Variants in TUB observed in about 807,000 individuals in gnomAD.
TUB encodes the protein TUB bipartite transcription factor.
TUB carries 33 observed loss-of-function variants against 59.7 expected under a neutral mutation model. The observed-to-expected ratio is 0.55, with a 90% CI of 0.42 to 0.74. The LOEUF is 0.74. TUB is among the 30% of genes least tolerant of loss of function. The pLI is 0.00. For missense variants in TUB, 659 were observed against 672.0 expected (o/e 0.98, Z 0.21); for synonymous variants, 293 against 256.4 (o/e 1.14, Z -1.36).
intron 2 of TUB, among the ~76,000 whole-genome samples, chr11:8,043,705 C>G (rs1415492696): frequency 6.6e-6 from 1 of 152,086 alleles, no homozygotes; most frequent in Non-Finnish European, 1.5e-5. Flanking sequence ...GAATTGCTTT[C>G]TTAATGCAAG....
At position 8,019,272 on chromosome 11, in the gene TUB, C is replaced by T. The variant is rs1172670708; in HGVS notation, c.-31C>T. On this transcript the variant is annotated 5_prime_UTR_variant, in exon 1 of 12. Transcript: ENST00000534099. ...CCCCAAGCCCAGCGCCGCCGCCGCCCGCGGAGCCCCGAGCGGAGCCGGAGG... is the reference window on the plus strand; with the variant it reads ...CCCCAAGCCCAGCGCCGCCGCCGCCTGCGGAGCCCCGAGCGGAGCCGGAGG... 5 of 1,251,002 alleles carry T rather than the reference C, an allele frequency of 4.0e-6. No homozygotes were observed. In the East Asian group the frequency reaches 1.3e-4, roughly 32 times the overall value. 77.5% of individuals were successfully genotyped at this position (1,251,002 alleles called of 1,614,324 possible).
In TUB at chr11:8,062,487, G is replaced by C. The variant is rs976750482; in HGVS notation, c.203+22795G>C. On this transcript the variant is annotated intron_variant, in intron 2 of 12. Transcript: ENST00000305253. ...CTCTCCCAGATGCTCTAGGCTACTG[G>C]GCAGGGCCTTCCTCTGAAGGTTTGT... Among the ~76,000 whole-genome samples, 4 of 148,688 alleles carry C rather than the reference G, an allele frequency of 2.7e-5. No homozygotes were observed. The South Asian group carries it at 8.7e-4, about 32-fold the overall frequency.
chr11:8,098,942 T>C (rs1467977234), intron 9 of TUB, 67 bp downstream of exon 9: 3 of 1,156,278 alleles, frequency 2.6e-6, no homozygotes, highest in East Asian at 4.7e-5. Context: ...TGATGCCTGA[T>C]CTAGGGGCTA....
chr11:8,049,810 GATTA>G (rs1942905291), intron 2 of TUB, among the ~76,000 whole-genome samples: 1 of 151,888 alleles, frequency 6.6e-6, no homozygotes, highest in Non-Finnish European at 1.5e-5. Flanking sequence ...CTGACATTTT[GATTA>G]ATTTTCATCT....
chr11:8,057,958 C>T lies in TUB; in HGVS notation c.203+18266C>T, dbSNP rs188804612. On this transcript the variant is annotated intron_variant, in intron 2 of 12. Transcript: ENST00000305253. ...TGTTAGTGATGCCTGGCCTGCCGCACCAGCACTTTGGGAGGCCGAGGCAGG... is the reference window on the plus strand; with the variant it reads ...TGTTAGTGATGCCTGGCCTGCCGCATCAGCACTTTGGGAGGCCGAGGCAGG... Among the ~76,000 whole-genome samples, 14 of 152,204 alleles carry T rather than the reference C, an allele frequency of 9.2e-5. No homozygotes were observed. The East Asian group carries it at 2.7e-3, about 29-fold the overall frequency.
intron 2 of TUB, among the ~76,000 whole-genome samples, chr11:8,048,138 G>A (rs1564901986): frequency 6.6e-6 from 1 of 152,060 alleles, no homozygotes; most frequent in African/African-American, 2.4e-5. Flanking sequence ...CCACACATGA[G>A]TCTAGGCCAT....
chr11:8,103,199 T>G lies in TUB; in HGVS notation c.*1580T>G, dbSNP rs1944380536. ...GGGGCTGGGCCTGAGCCTAACTCCC[T>G]CCACTACCGCTATTTCTCCTTGGAT... On this transcript the variant is annotated 3_prime_UTR_variant, in exon 12 of 12. Coordinates refer to ENST00000299506, the MANE Select transcript of TUB (RefSeq NM_177972.3). 6.6e-6 allele frequency: 1 copy of G among 152,208 alleles called. No individual in the cohort carries two copies. Among genetic ancestry groups the G allele is most frequent in the Non-Finnish European group, 1.5e-5 (1 of 68,070 alleles). 9.4% of individuals were successfully genotyped at this position (152,208 alleles called of 1,614,324 possible).
chr11:8,019,390 C>T (rs988405530), intron 1 of TUB: 1 of 1,233,586 alleles, frequency 8.1e-7, no homozygotes. Context: ...CCTGCGTGAG[C>T]GCCTGCTGAC....
chr11:8,050,522 G>T (rs1589933444), intron 2 of TUB, among the ~76,000 whole-genome samples: 1 of 152,202 alleles, frequency 6.6e-6, no homozygotes, highest in East Asian at 1.9e-4. Flanking sequence ...TGAGTGTGTT[G>T]CATGTGGTCT....
rs1944380171 is a variant in TUB at position 8,103,196 on chromosome 11, C to T, written c.*1577C>T. ...TCTGGGGCTGGGCCTGAGCCTAACT[C>T]CCTCCACTACCGCTATTTCTCCTTG... is the stretch of plus-strand genomic sequence containing the variant. On this transcript the variant is annotated 3_prime_UTR_variant, in exon 12 of 12. Transcript: ENST00000299506. The T allele has an allele frequency of 6.6e-6, 1 of 152,200 alleles. No homozygotes were observed. The highest frequency in any genetic ancestry group is 1.5e-5 in the Non-Finnish European group (1 of 68,074). 9.4% of individuals were successfully genotyped at this position (152,200 alleles called of 1,614,324 possible). A position where few individuals can be genotyped will look rare whatever the true frequency, so the allele number is the denominator to read the frequency against.
chr11:8,081,573 C>A, intron 1 of TUB, 25 bp downstream of exon 1: 2 of 1,520,810 alleles, frequency 1.3e-6, no homozygotes, highest in South Asian at 2.4e-5. Flanking sequence ...GGCCGGGGCG[C>A]CCACCACTCC....
In TUB at chr11:8,105,736, CCTTT is replaced by C. The variant is rs1261863672; in HGVS notation, c.*4118_*4121del. On this transcript the variant is annotated 3_prime_UTR_variant, in exon 12 of 12. Coordinates refer to ENST00000299506, the MANE Select transcript of TUB (RefSeq NM_177972.3). ...ACTACCTTTATAGCTCATCACTGTG[CCTTT>C]TTTTCTTTCCTAAGAAAGACATCAC... 2 of 152,196 alleles carry C rather than the reference CCTTT, an allele frequency of 1.3e-5. No homozygotes were observed. The highest frequency in any genetic ancestry group is 1.3e-4 in the Admixed American group (2 of 15,268). The allele number at this position is 152,196 out of a possible 1,614,324, so 9.4% of individuals were successfully genotyped here.
At chr11:8,093,155 C>A (rs1943836260) in intron 3 of TUB, among the ~76,000 whole-genome samples, 1 of 151,994 alleles carries the variant, frequency 6.6e-6, no homozygotes, top group Admixed American at 6.5e-5. Flanking sequence ...GATGACAACA[C>A]CTGCTCTGAC....
intron 2 of TUB, among the ~76,000 whole-genome samples, chr11:8,041,405 A>G (rs1942748255): frequency 6.6e-6 from 1 of 152,172 alleles, no homozygotes; most frequent in Admixed American, 6.5e-5. Flanking sequence ...TATAGGGCTG[A>G]CTTATCTCCG....
In TUB at chr11:8,100,902, T is replaced by C; in HGVS notation, c.1292T>C (p.Val431Ala). The stretch of plus-strand genomic sequence containing the variant: ...ATCGAGCTGCAAAACAAGACACCTG[T>C]CTGGAATGATGACACACAGTCCTAT... Reference protein sequence around the residue: ...SIIELQNKTPVWNDDTQSYVL... With the variant: ...SIIELQNKTPAWNDDTQSYVL... Residue 431 changes from valine to alanine, a missense_variant, in exon 11 of 12, where the codon GTC becomes GCC. Transcript: ENST00000299506. The C allele has an allele frequency of 6.2e-7, 1 of 1,614,162 alleles. No homozygotes were observed. The highest frequency in any genetic ancestry group is 8.5e-7 in the Non-Finnish European group (1 of 1,180,024).
intron 2 of TUB, among the ~76,000 whole-genome samples, chr11:8,059,730 A>G (rs1180722723): frequency 1.3e-5 from 2 of 152,130 alleles, no homozygotes; most frequent in Admixed American, 1.3e-4. Flanking sequence ...GCAGCCTCGT[A>G]AGCCTCATGG....
upstream of TUB, among the ~76,000 whole-genome samples, chr11:8,080,760 C>G (rs1943534657): frequency 6.6e-6 from 1 of 152,212 alleles, no homozygotes; most frequent in Admixed American, 6.5e-5. Context: ...GAGGGTTCCC[C>G]AGGCGGGGGT....
At chr11:8,077,466 C>G (rs369856512), upstream of TUB, 13 of 152,210 alleles carry the variant, frequency 8.5e-5, no homozygotes, top group Non-Finnish European at 1.9e-4. Context: ...ACTCTCATGT[C>G]TGCGTAACTT....
chr11:8,059,462 T>C (rs1943081054), intron 2 of TUB, among the ~76,000 whole-genome samples: 1 of 152,238 alleles, frequency 6.6e-6, no homozygotes, highest in Non-Finnish European at 1.5e-5. Flanking sequence ...AGATTTGTGT[T>C]AAAAATGCGG....
Sources: allele counts gnomAD v4.1 joint callset (sites outside exome capture counted in the v4.1 genomes callset), GRCh38; gene constraint gnomAD v4.1.1; transcripts MANE v1.5; gene names NCBI Gene and HGNC (gene_info 2026-07-23, HGNC 2026-07-21).